The following SNTB2 variants were observed in gnomAD, a reference collection of about 807,000 sequenced individuals.
SNTB2 encodes syntrophin beta 2.
Under a neutral mutation model 46.2 loss-of-function variants are expected in SNTB2, and 34 were observed. The ratio of observed to expected loss-of-function variants is 0.74; its 90% CI spans 0.56 to 0.98. The LOEUF (loss-of-function observed/expected upper bound fraction) is 0.98, where lower values mean the gene tolerates loss of function less well. Among genes scored for constraint, SNTB2 ranks in the 50% least tolerant of loss-of-function variants. The pLI is 0.00. For synonymous variants in SNTB2, 290 were observed against 312.6 expected, an observed-to-expected ratio of 0.93 and a Z score of 0.76; for missense variants, 603 against 731.4, an observed-to-expected ratio of 0.82 and a Z score of 2.02.
At chr16:69,294,719 C>T (rs1443902430) in intron 5 of SNTB2, among the ~76,000 whole-genome samples, 1 of 151,946 alleles carries the variant, frequency 6.6e-6, no homozygotes, top group Non-Finnish European at 1.5e-5. Flanking sequence ...GGCGACAGAG[C>T]GAGACTCCAT....
chr16:69,292,371 TATATATATTATATATATATTATATATA>T (rs1965170882), intron 5 of SNTB2, among the ~76,000 whole-genome samples: 1 of 43,986 alleles, frequency 2.3e-5, no homozygotes, highest in Non-Finnish European at 4.3e-5. Flanking sequence ...TATATATATA[TATATATATTATATATATATTATATATA>T]TATATATATT....
intron 4 of SNTB2, among the ~76,000 whole-genome samples, chr16:69,276,865 G>GA (rs35878481): frequency 1.3e-4 from 20 of 149,912 alleles, no homozygotes; most frequent in Admixed American, 2.0e-4. Flanking sequence ...CTTGCAGAGG[G>GA]AAAAAAAAAT....
chr16:69,277,423 T>C (rs1048777644), intron 4 of SNTB2, among the ~76,000 whole-genome samples: 1 of 152,204 alleles, frequency 6.6e-6, no homozygotes, highest in Non-Finnish European at 1.5e-5. Context: ...ATGAATGATA[T>C]ATGGTGTTGC....
chr16:69,269,661 T>C (rs1185401999), intron 3 of SNTB2, among the ~76,000 whole-genome samples: 1 of 152,240 alleles, frequency 6.6e-6, no homozygotes, highest in African/African-American at 2.4e-5. Context: ...ATCAAAAACT[T>C]TGATGTTTAG....
At chr16:69,254,110 C>G (rs994268867) in intron 2 of SNTB2, among the ~76,000 whole-genome samples, 1 of 152,070 alleles carries the variant, frequency 6.6e-6, no homozygotes, top group Non-Finnish European at 1.5e-5. Flanking sequence ...AGAAAATAGT[C>G]AGCCTGATAT....
intron 1 of SNTB2, among the ~76,000 whole-genome samples, chr16:69,210,954 C>G (rs1253916782): frequency 6.6e-6 from 1 of 151,940 alleles, no homozygotes. Context: ...TTGCACCACT[C>G]CACTCCAGCC....
At chr16:69,251,942 T>G (rs1964731526) in intron 2 of SNTB2, among the ~76,000 whole-genome samples, 1 of 152,144 alleles carries the variant, frequency 6.6e-6, no homozygotes, top group Non-Finnish European at 1.5e-5. Flanking sequence ...AACAATAAAA[T>G]AAAATAAACT....
intron 1 of SNTB2, among the ~76,000 whole-genome samples, chr16:69,203,933 C>G (rs966765201): frequency 3.9e-5 from 6 of 152,018 alleles, no homozygotes; most frequent in Non-Finnish European, 7.4e-5. Flanking sequence ...TGCTCTGTCG[C>G]CCAGGCTGGA....
chr16:69,220,018 G>A (rs1964385718), intron 1 of SNTB2, among the ~76,000 whole-genome samples: 1 of 151,918 alleles, frequency 6.6e-6, no homozygotes, highest in Non-Finnish European at 1.5e-5. Context: ...CCAAAGTGCT[G>A]GAATTACAGG....
chr16:69,279,924 G>A (rs1480959186), intron 4 of SNTB2, among the ~76,000 whole-genome samples: 1 of 151,730 alleles, frequency 6.6e-6, no homozygotes, highest in East Asian at 1.9e-4. Context: ...GATTTGGCAG[G>A]GTCATAGGAC....
chr16:69,245,960 T>A, intron 2 of SNTB2, 145 bp downstream of exon 2: 1 of 821,098 alleles, frequency 1.2e-6, no homozygotes, highest in Non-Finnish European at 1.9e-6. Flanking sequence ...TTCCACATTT[T>A]AAGTTATTCT....
chr16:69,253,082 G>A (rs1964741243), intron 2 of SNTB2, among the ~76,000 whole-genome samples: 1 of 151,518 alleles, frequency 6.6e-6, no homozygotes. Context: ...TGTATTTTTA[G>A]TAGAGATGGG....
chr16:69,270,374 G>C lies in SNTB2; in HGVS notation c.1148+89G>C, dbSNP rs564615811. 21 of 1,494,418 alleles carry C rather than the reference G, an allele frequency of 1.4e-5. No homozygotes were observed. The East Asian group carries it at 2.3e-4, about 16-fold the overall frequency. 92.6% of individuals were successfully genotyped at this position (1,494,418 alleles called of 1,614,324 possible). A position where few individuals can be genotyped will look rare whatever the true frequency, so the allele number is the denominator to read the frequency against. On this transcript the variant is annotated intron_variant, in intron 4 of 6. Transcript: ENST00000336278. The stretch of plus-strand genomic sequence containing the variant: ...TAAAGTGAATTCTGTTATCTTAGGT[G>C]CCTAAAAGAGCATTTAAGTAGCGGA...
intron 4 of SNTB2, among the ~76,000 whole-genome samples, chr16:69,271,714 A>C (rs1450710929): frequency 5.9e-5 from 9 of 152,070 alleles, no homozygotes; most frequent in African/African-American, 1.9e-4. Context: ...ATTTTGTAGA[A>C]TCAGCTTACA....
At chr16:69,209,550 A>G (rs1964258123) in intron 1 of SNTB2, among the ~76,000 whole-genome samples, 1 of 152,224 alleles carries the variant, frequency 6.6e-6, no homozygotes, top group African/African-American at 2.4e-5. Context: ...ACATTGAATG[A>G]ACATCCCCTA....
intron 1 of SNTB2, among the ~76,000 whole-genome samples, chr16:69,212,520 G>A (rs1232309275): frequency 6.6e-6 from 1 of 151,858 alleles, no homozygotes; most frequent in Admixed American, 6.6e-5. Flanking sequence ...TGTATTTTTA[G>A]TAGAGACAAG....
rs374306327 is a variant in SNTB2, at chr16:69,304,368, G to A, written c.*3444G>A. On this transcript the variant is annotated 3_prime_UTR_variant, in exon 7 of 7. Coordinates refer to ENST00000336278, the MANE Select transcript of SNTB2 (RefSeq NM_006750.4). ...GGCAGTCAAAAATACTACTTTAAAT[G>A]TCATTCACCTATTTTAAAGCCATGT... 7.9e-5 allele frequency: 12 copies of A among 152,684 alleles called. No individual in the cohort carries two copies. In the East Asian group the frequency reaches 2.1e-3, roughly 27 times the overall value. The allele number at this position is 152,684 out of a possible 1,614,324, so 9.5% of individuals were successfully genotyped here. A position where few individuals can be genotyped will look rare whatever the true frequency, so the allele number is the denominator to read the frequency against.
intron 1 of SNTB2, chr16:69,235,710 A>G: frequency 7.8e-7 from 1 of 1,286,752 alleles, no homozygotes; most frequent in Non-Finnish European, 1.0e-6. Context: ...CCCCAGGGCT[A>G]ACAACATAGT....
chr16:69,298,512 C>CT (rs34908270), intron 5 of SNTB2, among the ~76,000 whole-genome samples: 2,827 of 78,122 alleles, frequency 0.036, 540 homozygotes, highest in Non-Finnish European at 0.056. Context: ...TTTACCAATT[C>CT]TTTTTTTTTT....
Sources: gnomAD v4.1 joint callset for allele counts (sites outside exome capture counted in the v4.1 genomes callset) on GRCh38, gnomAD v4.1.1 for gene constraint, MANE v1.5 for transcripts, NCBI Gene and HGNC (gene_info 2026-07-23, HGNC 2026-07-21) for gene names.